The following NUCB1 variants were observed in gnomAD, a reference collection of about 807,000 sequenced individuals.
The protein encoded by NUCB1 is nucleobindin-1.
NUCB1 carries 47 observed loss-of-function variants against 61.2 expected under a neutral mutation model. The observed-to-expected ratio is 0.77, with a 90% CI of 0.61 to 0.98. The LOEUF (loss-of-function observed/expected upper bound fraction) is 0.98, where lower values mean the gene tolerates loss of function less well. Among genes scored for constraint, NUCB1 ranks in the 50% least tolerant of loss-of-function variants. NUCB1 has a pLI of 0.00. For missense variants in NUCB1, 583 were observed against 605.3 expected, an observed-to-expected ratio of 0.96 and a Z score of 0.39; for synonymous variants, 234 against 243.1, an observed-to-expected ratio of 0.96 and a Z score of 0.35.
chr19:48,916,171 C>CGTGTGTGTGTGT lies in NUCB1; in HGVS notation c.758-2538_758-2527dup, dbSNP rs143557740. On this transcript the variant is annotated intron_variant, in intron 7 of 12. Coordinates refer to ENST00000405315, the MANE Select transcript of NUCB1 (RefSeq NM_006184.6). ...GCAAGTAGAATCTTTTGGTATTTGT[C>CGTGTGTGTGTGT]GTGTGTGTGTGTGTGTGTGTGTGTG... Among the ~76,000 whole-genome samples the CGTGTGTGTGTGT allele has an allele frequency of 7.0e-3, 1,039 of 147,782 alleles. 14 individuals are homozygous for CGTGTGTGTGTGT. Among genetic ancestry groups the CGTGTGTGTGTGT allele is most frequent in the African/African-American group, 0.025 (1,003 of 40,320 alleles).
At position 48,921,008 on chromosome 19, in the gene NUCB1, C is replaced by T. The variant is rs2037602952; in HGVS notation, c.1003-146C>T. ...TGTCTCTCGGTCTTTATCCCACTCC[C>T]ACCTCCCACTTGGGCTTCTTTGCCC... is the stretch of plus-strand genomic sequence containing the variant. On this transcript the variant is annotated intron_variant, in intron 10 of 12. Coordinates refer to ENST00000405315, the MANE Select transcript of NUCB1 (RefSeq NM_006184.6). 25 of 762,796 alleles carry T rather than the reference C, an allele frequency of 3.3e-5. No individual in the cohort carries two copies. In the South Asian group the frequency reaches 5.0e-4, roughly 15 times the overall value. The allele number at this position is 762,796 out of a possible 1,614,324, so 47.3% of individuals were successfully genotyped here.
chr19:48,922,051 A>T, intron 12 of NUCB1, 119 bp downstream of exon 12: 1 of 799,126 alleles, frequency 1.3e-6, no homozygotes, highest in Non-Finnish European at 1.9e-6. Flanking sequence ...CCAGACTCCC[A>T]GATCTGAGGG....
At chr19:48,901,560 T>G (rs2037353563) in intron 2 of NUCB1, among the ~76,000 whole-genome samples, 1 of 152,130 alleles carries the variant, frequency 6.6e-6, no homozygotes, top group African/African-American at 2.4e-5. Flanking sequence ...GGTCAGGAGT[T>G]CAAGACCAGC....
At chr19:48,915,003 C>T (rs1199390031) in intron 7 of NUCB1, among the ~76,000 whole-genome samples, 1 of 152,020 alleles carries the variant, frequency 6.6e-6, no homozygotes, top group Non-Finnish European at 1.5e-5. Flanking sequence ...TCACTTGAAC[C>T]CGGGAGGCAG....
rs1263886270 is a variant in NUCB1, at chr19:48,918,715, C to G, written c.758-11C>G. The G allele has an allele frequency of 2.5e-6, 4 of 1,612,094 alleles. No homozygotes were observed. Among genetic ancestry groups the G allele is most frequent in the Non-Finnish European group, 3.4e-6 (4 of 1,178,088 alleles). On this transcript the variant is annotated splice_polypyrimidine_tract_variant and intron_variant, in intron 7 of 12. Transcript: ENST00000405315. ...GTCCCCTGAGATACCTTGCTATCCT[C>G]TTCCCTTCAGATATCAACAGTGATG...
At chr19:48,902,257 C>A (rs916195944) in intron 2 of NUCB1, among the ~76,000 whole-genome samples, 4 of 151,494 alleles carry the variant, frequency 2.6e-5, no homozygotes, top group Non-Finnish European at 5.9e-5. Flanking sequence ...ACTACAGGCG[C>A]ACACCACCAC....
At chr19:48,904,924 G>T (rs2037396188) in intron 3 of NUCB1, among the ~76,000 whole-genome samples, 1 of 152,232 alleles carries the variant, frequency 6.6e-6, no homozygotes, top group Non-Finnish European at 1.5e-5. Flanking sequence ...GTCACAAGCT[G>T]GGAAGAGCTT....
intron 2 of NUCB1, among the ~76,000 whole-genome samples, chr19:48,902,420 CTT>C (rs58758940): frequency 0.17 from 22,403 of 129,944 alleles, 2,046 homozygotes; most frequent in African/African-American, 0.25. Context: ...TTTCCTTTTT[CTT>C]TTTTTTTTTT....
At chr19:48,906,022 A>AGATT in intron 4 of NUCB1, 137 bp downstream of exon 4, 1 of 781,046 alleles carries the variant, frequency 1.3e-6, no homozygotes, top group Non-Finnish European at 2.1e-6. Flanking sequence ...TGTGCGTGGG[A>AGATT]GATTGCCCCA....
intron 7 of NUCB1, 55 bp from the exon 8 acceptor site, chr19:48,918,671 C>T: frequency 6.7e-7 from 1 of 1,486,848 alleles, no homozygotes; most frequent in Non-Finnish European, 9.4e-7. Context: ...CACCAGGGAC[C>T]TTACACATCC....
At chr19:48,919,807 C>G (rs1167075921) in intron 10 of NUCB1, among the ~76,000 whole-genome samples, 1 of 133,268 alleles carries the variant, frequency 7.5e-6, no homozygotes, top group Non-Finnish European at 1.5e-5. Context: ...CTTGCTCTGT[C>G]GCGTAGGCTG....
intron 3 of NUCB1, 24 bp from the exon 4 acceptor site, chr19:48,905,729 G>C: frequency 6.2e-7 from 1 of 1,613,818 alleles, no homozygotes; most frequent in Non-Finnish European, 8.5e-7. Flanking sequence ...CCCCCAGGCT[G>C]ACCAGGGTCT....
intron 10 of NUCB1, among the ~76,000 whole-genome samples, chr19:48,920,724 TG>T (rs2037599962): frequency 6.6e-6 from 1 of 152,110 alleles, no homozygotes; most frequent in Admixed American, 6.6e-5. Flanking sequence ...GGTTTCTCCA[TG>T]TTGGTCAGGC....
At position 48,919,261 on chromosome 19, in the gene NUCB1, T is replaced by C. The variant is rs200463558; in HGVS notation, c.977T>C (p.Phe326Ser). The C allele has an allele frequency of 1.4e-5, 23 of 1,613,776 alleles. No individual in the cohort carries two copies. Among genetic ancestry groups the C allele is most frequent in the Middle Eastern group, 1.7e-4 (1 of 6,058 alleles). ...CTCGCATCCACTCAGAGGAAGGAGT[T>C]TGGGGACACCGGGGAGGGCTGGGAG... is the stretch of plus-strand genomic sequence containing the variant. ...EFLASTQRKE[F>S]GDTGEGWETV... The change falls in exon 10 of 13, where the codon TTT becomes TCT. Residue 326 changes from phenylalanine (F) to serine (S), a missense_variant. Coordinates refer to ENST00000405315, the MANE Select transcript of NUCB1 (RefSeq NM_006184.6).
rs558452332 is a variant in NUCB1 at position 48,922,134 on chromosome 19, G to A, written c.1280-184G>A. 2.4e-3 allele frequency among the ~76,000 whole-genome samples: 361 copies of A among 149,772 alleles called. 5 individuals are homozygous for A. The highest frequency in any genetic ancestry group is 8.7e-3 in the African/African-American group (349 of 39,886). On this transcript the variant is annotated intron_variant, in intron 12 of 12. Coordinates refer to ENST00000405315, the MANE Select transcript of NUCB1 (RefSeq NM_006184.6). Reference sequence around the variant, plus strand: ...GGGGGCTGGGACCCCTGGGTGTGAGGGAGGAGGGGCTGGGACCCCTGGGTG... The same window carrying A: ...GGGGGCTGGGACCCCTGGGTGTGAGAGAGGAGGGGCTGGGACCCCTGGGTG...
At chr19:48,905,906 AG>A in intron 4 of NUCB1, 21 bp downstream of exon 4, 1 of 320,668 alleles carries the variant, frequency 3.1e-6, no homozygotes, top group Non-Finnish European at 5.9e-6. Flanking sequence ...GCAGGGCGGG[AG>A]GGACAGGCAG....
chr19:48,907,821 C>T (rs776356928), intron 4 of NUCB1, among the ~76,000 whole-genome samples: 3 of 152,162 alleles, frequency 2.0e-5, no homozygotes, highest in Non-Finnish European at 2.9e-5. Flanking sequence ...TGGCCACACC[C>T]GCCCAACCCT....
intron 5 of NUCB1, 147 bp downstream of exon 5, chr19:48,911,399 TCTTTTC>T: frequency 3.7e-6 from 2 of 545,572 alleles, no homozygotes; most frequent in Non-Finnish European, 6.5e-6. Context: ...TCGTTTCTTT[TCTTTTC>T]TTTTTTTTTT....
intron 2 of NUCB1, chr19:48,901,149 C>T: frequency 3.2e-6 from 2 of 618,774 alleles, no homozygotes; most frequent in Non-Finnish European, 5.9e-6. Context: ...CACGCCCCAA[C>T]TAAACGTCTG....
Sources: gnomAD v4.1 joint callset for allele counts (sites outside exome capture counted in the v4.1 genomes callset) on GRCh38, gnomAD v4.1.1 for gene constraint, MANE v1.5 for transcripts, NCBI Gene and HGNC (gene_info 2026-07-23, HGNC 2026-07-21) for gene names.